Variants in SCHIP1 observed in about 807,000 individuals in gnomAD.
SCHIP1 encodes schwannomin interacting protein 1, also known as schwannomin-interacting protein 1.
SCHIP1 carries 8 observed loss-of-function variants against 29.7 expected under a neutral mutation model. The observed-to-expected ratio is 0.27, with a 90% CI of 0.16 to 0.49. The LOEUF (loss-of-function observed/expected upper bound fraction) is 0.49, where lower values mean the gene tolerates loss of function less well. Ranked by LOEUF, SCHIP1 falls within the 20% of genes least tolerant of loss-of-function variation. SCHIP1 has a pLI of 0.99. For missense variants in SCHIP1, 193 were observed against 294.6 expected (o/e 0.66, Z 2.52); for synonymous variants, 76 against 94.9 (o/e 0.80, Z 1.16).
At chr3:159,619,066 T>C in the SCHIP1 span, among the ~76,000 whole-genome samples, 1 of 152,242 alleles carries the variant, frequency 6.6e-6, no homozygotes, top group Admixed American at 6.5e-5. Context: ...TAGCCTGGGC[T>C]GTAAATTTAT....
At chr3:159,375,521 G>A in the SCHIP1 span, among the ~76,000 whole-genome samples, 2 of 152,160 alleles carry the variant, frequency 1.3e-5, no homozygotes, top group South Asian at 2.1e-4. Context: ...TGGATCACGA[G>A]GTCAGGAGAT....
the SCHIP1 span, among the ~76,000 whole-genome samples, chr3:159,422,565 A>G: frequency 6.6e-6 from 1 of 152,308 alleles, no homozygotes; most frequent in East Asian, 1.9e-4. Flanking sequence ...CAGATCAAGA[A>G]ACAGAAAAAT....
At chr3:159,875,296 G>A in intron 2 of SCHIP1, among the ~76,000 whole-genome samples, 1 of 152,150 alleles carries the variant, frequency 6.6e-6, no homozygotes, top group Middle Eastern at 3.2e-3. Context: ...TTAATTAGGT[G>A]CAATTAATTT....
the SCHIP1 span, among the ~76,000 whole-genome samples, chr3:159,289,260 CT>C: frequency 5.3e-5 from 8 of 152,160 alleles, no homozygotes; most frequent in African/African-American, 1.7e-4. Flanking sequence ...ATATTACCTA[CT>C]TATTTCAGTA....
Position 159,872,325 on chromosome 3 carries a change from G to C in SCHIP1, c.149+6044G>C, listed in dbSNP as rs147868803. 7.8e-3 allele frequency among the ~76,000 whole-genome samples: 1,180 copies of C among 152,162 alleles called. 8 individuals carry two copies. Among genetic ancestry groups the C allele is most frequent in the Non-Finnish European group, 0.013 (907 of 67,980 alleles). On this transcript the variant is annotated intron_variant, in intron 2 of 6. Coordinates refer to ENST00000445224, the Ensembl canonical transcript of SCHIP1. ...AGCTTGGCAGTCCTCCTTTGGTTCA[G>C]GAGGACTGAAGGAGAGAGACTGGAA...
the SCHIP1 span, among the ~76,000 whole-genome samples, chr3:159,798,772 A>AAAC: frequency 6.6e-5 from 10 of 151,998 alleles, no homozygotes; most frequent in East Asian, 1.9e-4. Context: ...AACAAAAACA[A>AAAC]AACAACAACA....
At chr3:159,782,147 T>A in the SCHIP1 span, among the ~76,000 whole-genome samples, 1 of 152,156 alleles carries the variant, frequency 6.6e-6, no homozygotes, top group African/African-American at 2.4e-5. Flanking sequence ...AGACTCTCAC[T>A]GAAAGACCAA....
the SCHIP1 span, among the ~76,000 whole-genome samples, chr3:159,645,691 T>A: frequency 6.6e-6 from 1 of 152,106 alleles, no homozygotes; most frequent in African/African-American, 2.4e-5. Context: ...AGGAAAAAGA[T>A]GTCTATTGTG....
the SCHIP1 span, among the ~76,000 whole-genome samples, chr3:159,834,767 T>C: frequency 1.3e-5 from 2 of 152,232 alleles, no homozygotes. Flanking sequence ...TTGTTTCATG[T>C]ACAAAATTAT....
intron 1 of SCHIP1, among the ~76,000 whole-genome samples, chr3:159,864,510 CACACAT>C (rs1223731949): frequency 4.1e-5 from 6 of 146,852 alleles, no homozygotes; most frequent in African/African-American, 1.0e-4. Context: ...CACACACACA[CACACAT>C]ATGCTAGCTC....
the SCHIP1 span, among the ~76,000 whole-genome samples, chr3:159,796,096 A>G: frequency 6.6e-6 from 1 of 152,238 alleles, no homozygotes; most frequent in Non-Finnish European, 1.5e-5. Flanking sequence ...GGCCTTATGT[A>G]TGCTAAGGTG....
the SCHIP1 span, among the ~76,000 whole-genome samples, chr3:159,478,814 G>A: frequency 6.6e-6 from 1 of 151,964 alleles, no homozygotes; most frequent in South Asian, 2.1e-4. Flanking sequence ...TTTTGTTGTT[G>A]TTCCTATTGT....
At chr3:159,426,921 C>A in the SCHIP1 span, among the ~76,000 whole-genome samples, 7 of 152,106 alleles carry the variant, frequency 4.6e-5, no homozygotes, top group African/African-American at 7.2e-5. Context: ...TAAACAGAAC[C>A]AAAGACAAAA....
chr3:159,291,873 A>T, the SCHIP1 span, among the ~76,000 whole-genome samples: 3 of 152,108 alleles, frequency 2.0e-5, no homozygotes, highest in African/African-American at 7.2e-5. Flanking sequence ...AATCAATGGG[A>T]TGAAAAATAA....
At chr3:159,784,834 A>T in the SCHIP1 span, among the ~76,000 whole-genome samples, 5 of 152,108 alleles carry the variant, frequency 3.3e-5, no homozygotes, top group East Asian at 7.7e-4. Flanking sequence ...TTGTATTTTT[A>T]GTAGAGACAG....
At chr3:159,820,478 T>C in the SCHIP1 span, among the ~76,000 whole-genome samples, 1 of 152,206 alleles carries the variant, frequency 6.6e-6, no homozygotes, top group Non-Finnish European at 1.5e-5. Flanking sequence ...AATATATATG[T>C]ATGTATTTTC....
the SCHIP1 span, among the ~76,000 whole-genome samples, chr3:159,327,812 G>A: frequency 6.6e-6 from 1 of 152,166 alleles, no homozygotes; most frequent in African/African-American, 2.4e-5. Flanking sequence ...GAAAAGCAAA[G>A]GAAGCAAATT....
chr3:159,597,531 T>C, the SCHIP1 span, among the ~76,000 whole-genome samples: 1 of 152,184 alleles, frequency 6.6e-6, no homozygotes, highest in Non-Finnish European at 1.5e-5. Flanking sequence ...ATGTGATATT[T>C]GCATTTTTGG....
the SCHIP1 span, among the ~76,000 whole-genome samples, chr3:159,640,218 C>T: frequency 3.3e-5 from 5 of 152,054 alleles, no homozygotes; most frequent in Admixed American, 2.0e-4. Flanking sequence ...TGTGCAGGCC[C>T]GTCTGCTCTT....
Sources: allele counts gnomAD v4.1 joint callset (sites outside exome capture counted in the v4.1 genomes callset), GRCh38; gene constraint gnomAD v4.1.1; transcripts MANE v1.5; gene names NCBI Gene and HGNC (gene_info 2026-07-23, HGNC 2026-07-21).